Variants in RBM20 observed in about 807,000 individuals in gnomAD.
The protein encoded by RBM20 is RNA-binding protein 20.
RBM20 carries 51 observed loss-of-function variants against 110.1 expected under a neutral mutation model. The ratio of observed to expected loss-of-function variants is 0.46; its 90% CI spans 0.37 to 0.59. RBM20 has a LOEUF of 0.59. Among genes scored for constraint, RBM20 ranks in the 20% least tolerant of loss-of-function variants. The pLI is 0.00. For missense variants in RBM20, 1,512 were observed against 1,574.9 expected (o/e 0.96, Z 0.68); for synonymous variants, 589 against 618.2 (o/e 0.95, Z 0.70).
chr10:110,774,602 G>A (rs1206033214), intron 1 of RBM20, among the ~76,000 whole-genome samples: 1 of 152,136 alleles, frequency 6.6e-6, no homozygotes, highest in Non-Finnish European at 1.5e-5. Flanking sequence ...CTGTCTCGGT[G>A]TGTGACTTAG....
chr10:110,714,866 C>A (rs1433973431), intron 1 of RBM20, among the ~76,000 whole-genome samples: 1 of 152,156 alleles, frequency 6.6e-6, no homozygotes, highest in Non-Finnish European at 1.5e-5. Flanking sequence ...CTTCAAGTCA[C>A]TTGTTGGAGG....
At chr10:110,744,161 T>C (rs1843751847) in intron 1 of RBM20, among the ~76,000 whole-genome samples, 1 of 152,162 alleles carries the variant, frequency 6.6e-6, no homozygotes, top group African/African-American at 2.4e-5. Flanking sequence ...GATACCTCTC[T>C]ATACAGAGGA....
chr10:110,789,290 G>A (rs970581285), intron 5 of RBM20, among the ~76,000 whole-genome samples: 15 of 152,150 alleles, frequency 9.9e-5, no homozygotes, highest in East Asian at 3.8e-4. Context: ...TAAAAGGACC[G>A]CAAAGACCAT....
intron 1 of RBM20, among the ~76,000 whole-genome samples, chr10:110,732,373 T>A (rs759005586): frequency 2.0e-5 from 3 of 152,218 alleles, no homozygotes; most frequent in Non-Finnish European, 2.9e-5. Flanking sequence ...TGGGCATCCC[T>A]TCTCCAGCTT....
chr10:110,792,486 A>G (rs2135064108), intron 5 of RBM20, among the ~76,000 whole-genome samples: 1 of 152,292 alleles, frequency 6.6e-6, no homozygotes. Flanking sequence ...GTCCTGTGGA[A>G]TCAATTTTTA....
At chr10:110,795,671 T>G (rs1844540890) in intron 5 of RBM20, among the ~76,000 whole-genome samples, 1 of 152,140 alleles carries the variant, frequency 6.6e-6, no homozygotes. Context: ...ACATAGAAAA[T>G]TGTGATTATG....
In RBM20 at chr10:110,821,907, C is replaced by T. The variant is rs1414984950; in HGVS notation, c.3288C>T (p.Asn1096=). The T allele has an allele frequency of 1.9e-6, 3 of 1,551,594 alleles. No individual in the cohort carries two copies. The highest frequency in any genetic ancestry group is 2.6e-6 in the Non-Finnish European group (3 of 1,147,008). The change falls in exon 11 of 14, where the codon AAC becomes AAT. Residue 1096 remains asparagine (N), a synonymous_variant. Transcript: ENST00000369519. ...CCCCCATCGAAACTGACCTCCAAAA[C>T]CAAGCTTGCCAAGAAGTGTTGACCC... is the stretch of plus-strand genomic sequence containing the variant. ...ASPPIETDLQ[N]QACQEVLTPE...
At chr10:110,643,500 C>T (rs1007255990), upstream of RBM20, among the ~76,000 whole-genome samples, 2 of 152,224 alleles carry the variant, frequency 1.3e-5, no homozygotes, top group East Asian at 1.9e-4. Context: ...CTTCAGAGGG[C>T]GTGACGGTGA....
At chr10:110,730,149 A>G (rs1395198790) in intron 1 of RBM20, among the ~76,000 whole-genome samples, 2 of 152,170 alleles carry the variant, frequency 1.3e-5, no homozygotes, top group African/African-American at 4.8e-5. Context: ...CCCAAGCACC[A>G]GGTGCTCATC....
At chr10:110,750,945 T>G (rs550735092) in intron 1 of RBM20, among the ~76,000 whole-genome samples, 2 of 152,278 alleles carry the variant, frequency 1.3e-5, no homozygotes, top group East Asian at 3.9e-4. Context: ...GGAATTCTGC[T>G]TTACCTGCAG....
At chr10:110,730,024 G>T (rs1843604598) in intron 1 of RBM20, among the ~76,000 whole-genome samples, 1 of 152,198 alleles carries the variant, frequency 6.6e-6, no homozygotes, top group East Asian at 1.9e-4. Flanking sequence ...CTCCATGTTG[G>T]TTAGGCTGGT....
chr10:110,800,774 T>A (rs1220952083), intron 7 of RBM20, among the ~76,000 whole-genome samples: 1 of 152,256 alleles, frequency 6.6e-6, no homozygotes, highest in Non-Finnish European at 1.5e-5. Flanking sequence ...TTTTGAACTT[T>A]ATATAAATGG....
intron 1 of RBM20, among the ~76,000 whole-genome samples, chr10:110,664,074 CAAAT>C (rs769095517): frequency 1.1e-3 from 163 of 152,140 alleles, no homozygotes; most frequent in African/African-American, 3.8e-3. Context: ...TTCTTTTAAA[CAAAT>C]AAAAAAATTT....
Position 110,812,347 on chromosome 10 carries a change from C to G in RBM20, c.1950C>G (p.Pro650=). The G allele has an allele frequency of 6.4e-7, 1 of 1,551,652 alleles. No homozygotes were observed. Among genetic ancestry groups the G allele is most frequent in the Non-Finnish European group, 8.7e-7 (1 of 1,147,024 alleles). ...SRSLSPRSHT[P]SFTSCSSSHS... ...CACTCTCCCCGAGGTCCCACACTCC[C>G]AGCTTCACCTCCTGCAGCTCTTCCC... Residue 650 remains proline, a synonymous_variant, in exon 9 of 14, where the codon CCC becomes CCG. Coordinates refer to ENST00000369519, the MANE Select transcript of RBM20 (RefSeq NM_001134363.3).
At chr10:110,741,110 C>T (rs977015492) in intron 1 of RBM20, among the ~76,000 whole-genome samples, 1 of 152,202 alleles carries the variant, frequency 6.6e-6, no homozygotes, top group African/African-American at 2.4e-5. Flanking sequence ...GACATTTCCT[C>T]CAGCTTGTCT....
chr10:110,726,910 A>G (rs910489055), intron 1 of RBM20, among the ~76,000 whole-genome samples: 1 of 152,126 alleles, frequency 6.6e-6, no homozygotes, highest in African/African-American at 2.4e-5. Flanking sequence ...GCAATGGTGC[A>G]ACCTTGGCTC....
At chr10:110,765,763 G>A (rs1241155307) in intron 1 of RBM20, among the ~76,000 whole-genome samples, 1 of 152,156 alleles carries the variant, frequency 6.6e-6, no homozygotes, top group South Asian at 2.1e-4. Flanking sequence ...CTTATATCAC[G>A]GAGATTTTTT....
intron 1 of RBM20, among the ~76,000 whole-genome samples, chr10:110,675,861 A>C (rs996417545): frequency 2.0e-5 from 3 of 152,248 alleles, no homozygotes; most frequent in African/African-American, 7.2e-5. Flanking sequence ...GTGATAATAT[A>C]TATAATCATT....
At chr10:110,643,469 GC>G (rs1206514509), upstream of RBM20, among the ~76,000 whole-genome samples, 3 of 152,376 alleles carry the variant, frequency 2.0e-5, no homozygotes, top group African/African-American at 7.2e-5. Flanking sequence ...GCGCACGCGG[GC>G]GCCAGGGTAA....
Sources: allele counts gnomAD v4.1 joint callset (sites outside exome capture counted in the v4.1 genomes callset), GRCh38; gene constraint gnomAD v4.1.1; transcripts MANE v1.5; gene names NCBI Gene and HGNC (gene_info 2026-07-23, HGNC 2026-07-21).